PLCG2: variants seen among roughly 807,000 people sequenced by gnomAD.
PLCG2 encodes the protein phospholipase C gamma 2, also known as 1-phosphatidylinositol 4,5-bisphosphate phosphodiesterase gamma-2.
In PLCG2, 69 loss-of-function variants were observed where a neutral mutation model predicts 175.6. The ratio of observed to expected loss-of-function variants is 0.39; its 90% confidence interval spans 0.32 to 0.48. The LOEUF (loss-of-function observed/expected upper bound fraction) is 0.48. Ranked by LOEUF, PLCG2 falls within the 20% of genes least tolerant of loss-of-function variation. The probability of loss-of-function intolerance (pLI) is 0.91; values close to 1 mark genes in which losing one functional copy is unlikely to be tolerated. For missense variants in PLCG2, 1,798 were observed against 1,650.9 expected (o/e 1.09, Z -1.54); for synonymous variants, 827 against 624.0 (o/e 1.33, Z -4.85).
chr16:81,905,318 G>C, intron 14 of PLCG2, 85 bp from the exon 15 acceptor site: 1 of 871,184 alleles, frequency 1.1e-6, no homozygotes, highest in Non-Finnish European at 1.9e-6. Flanking sequence ...GGCCCTGCCT[G>C]GGAAGAGGCA....
At chr16:81,827,213 G>T (rs1905083506) in intron 2 of PLCG2, among the ~76,000 whole-genome samples, 1 of 143,186 alleles carries the variant, frequency 7.0e-6, no homozygotes, top group Non-Finnish European at 1.6e-5. Flanking sequence ...TGGGGACAGG[G>T]TCTCACTCTG....
intron 7 of PLCG2, among the ~76,000 whole-genome samples, chr16:81,876,444 C>G (rs968920288): frequency 6.6e-6 from 1 of 152,166 alleles, no homozygotes; most frequent in Non-Finnish European, 1.5e-5. Flanking sequence ...CCTTCAGCCA[C>G]GTGGGAAAAC....
intron 7 of PLCG2, among the ~76,000 whole-genome samples, chr16:81,872,876 A>G (rs1173981674): frequency 1.3e-5 from 2 of 152,206 alleles, no homozygotes; most frequent in South Asian, 4.1e-4. Context: ...GAATGTTCCT[A>G]GAAGACAGTC....
chr16:81,813,937 C>A (rs749142780), intron 2 of PLCG2, among the ~76,000 whole-genome samples: 1 of 152,212 alleles, frequency 6.6e-6, no homozygotes, highest in Non-Finnish European at 1.5e-5. Context: ...TAGATTCTAC[C>A]TGTTGATGGG....
In PLCG2 at chr16:81,883,281, G is replaced by A. The variant is rs1567515039; in HGVS notation, c.705G>A (p.Arg235=). ...SSVFILGNTD[R]PDASAVYLHD... ...TCCCCGAGGATAGGAACACTGACAG[G>A]CCGGATGCCTCTGCTGTTTACCTGC... The change falls in exon 9 of 33, where the codon AGG becomes AGA. Residue 235 remains arginine (R), a synonymous_variant. Coordinates refer to ENST00000564138, the MANE Select transcript of PLCG2 (RefSeq NM_002661.5). 4 of 1,614,128 alleles carry A rather than the reference G, an allele frequency of 2.5e-6. No individual in the cohort carries two copies. Among genetic ancestry groups the A allele is most frequent in the Non-Finnish European group, 3.4e-6 (4 of 1,179,986 alleles).
At chr16:81,741,813 A>C (rs974421713) in intron 1 of PLCG2, among the ~76,000 whole-genome samples, 4 of 152,330 alleles carry the variant, frequency 2.6e-5, no homozygotes, top group African/African-American at 9.6e-5. Flanking sequence ...CTCAAAAAAA[A>C]AATGTATAAT....
intron 2 of PLCG2, among the ~76,000 whole-genome samples, chr16:81,771,651 T>A (rs1002183795): frequency 3.3e-5 from 5 of 151,948 alleles, no homozygotes; most frequent in South Asian, 4.2e-4. Context: ...TAATATAGGG[T>A]ACAGTGGGTT....
intron 7 of PLCG2, among the ~76,000 whole-genome samples, chr16:81,873,458 G>A (rs759852228): frequency 7.2e-5 from 11 of 152,122 alleles, no homozygotes; most frequent in South Asian, 2.1e-4. Context: ...GACAGTGTGC[G>A]TATGAAATTT....
At chr16:81,853,911 C>G (rs1016357710) in intron 2 of PLCG2, among the ~76,000 whole-genome samples, 4 of 152,066 alleles carry the variant, frequency 2.6e-5, no homozygotes, top group African/African-American at 9.7e-5. Flanking sequence ...TGGGGTTGGC[C>G]TCTTATTATT....
rs1188636816 is a variant in PLCG2, at chr16:81,960,482, G to T, written c.*2484G>T. 3 of 230,210 alleles carry T rather than the reference G, an allele frequency of 1.3e-5. No individual in the cohort carries two copies. The highest frequency in any genetic ancestry group is 6.6e-5 in the African/African-American group (3 of 45,214). 14.3% of individuals were successfully genotyped at this position (230,210 alleles called of 1,614,324 possible). On this transcript the variant is annotated 3_prime_UTR_variant, in exon 33 of 33. Coordinates refer to ENST00000564138, the MANE Select transcript of PLCG2 (RefSeq NM_002661.5). Reference sequence around the variant, plus strand: ...TTATTTAGAATATTGGTTATTACAAGGAAAAATAAAGTGGGGAGGCTGGTT... The same window carrying T: ...TTATTTAGAATATTGGTTATTACAATGAAAAATAAAGTGGGGAGGCTGGTT...
chr16:81,752,367 G>A (rs970876171), intron 1 of PLCG2, among the ~76,000 whole-genome samples: 3 of 152,218 alleles, frequency 2.0e-5, no homozygotes, highest in African/African-American at 7.2e-5. Context: ...CTGACAGGGA[G>A]GGGACTGTGA....
intron 2 of PLCG2, among the ~76,000 whole-genome samples, chr16:81,805,768 TTTTTTTTTTTTTTTG>T (rs1165364901): frequency 1.3e-5 from 1 of 76,132 alleles, no homozygotes; most frequent in Non-Finnish European, 2.9e-5. Flanking sequence ...TTTTGTTTTG[TTTTTTTTTTTTTTTG>T]TTTTTTTTTT....
chr16:81,773,163 G>T (rs1357317140), intron 2 of PLCG2, among the ~76,000 whole-genome samples: 1 of 152,214 alleles, frequency 6.6e-6, no homozygotes, highest in South Asian at 2.1e-4. Flanking sequence ...AGCATGCTGG[G>T]TGTGGGGGGG....
upstream of PLCG2, among the ~76,000 whole-genome samples, chr16:81,776,104 T>C (rs9936189): frequency 0.058 from 2,670 of 46,364 alleles, 305 homozygotes; most frequent in African/African-American, 0.13. Flanking sequence ...TTTCTTTTTT[T>C]CCTTCTTTCT....
chr16:81,949,635 T>C (rs541785083), intron 31 of PLCG2, among the ~76,000 whole-genome samples: 1 of 152,300 alleles, frequency 6.6e-6, no homozygotes, highest in Admixed American at 6.5e-5. Context: ...AGAAAACTTT[T>C]AGATAGGGAG....
intron 5 of PLCG2, among the ~76,000 whole-genome samples, chr16:81,866,479 G>A (rs58132126): frequency 1.4e-5 from 1 of 72,862 alleles, no homozygotes; most frequent in African/African-American, 4.1e-5. Context: ...TCCCAGGATG[G>A]TCTCCACTGG....
At chr16:81,870,715 T>A (rs1234758785) in intron 6 of PLCG2, 137 bp from the exon 7 acceptor site, 2 of 477,368 alleles carry the variant, frequency 4.2e-6, no homozygotes, top group Non-Finnish European at 7.4e-6. Context: ...ACTGAAACAA[T>A]GTGGTCATAG....
rs993652314 is a variant in PLCG2 at position 81,752,117 on chromosome 16, G to A, written c.-144-3753G>A. 7.2e-5 allele frequency among the ~76,000 whole-genome samples: 11 copies of A among 152,230 alleles called. No individual in the cohort carries two copies. The East Asian group carries it at 7.7e-4, about 11-fold the overall frequency. On this transcript the variant is annotated intron_variant, in intron 1 of 5. Transcript: ENST00000565054. ...AACTCTTCACTGTGATGTAGGCCCC[G>A]TCTATCACGTATGAACTATGAGCCT...
At chr16:81,744,692 C>T (rs1399377490) in intron 1 of PLCG2, among the ~76,000 whole-genome samples, 1 of 152,126 alleles carries the variant, frequency 6.6e-6, no homozygotes, top group Non-Finnish European at 1.5e-5. Flanking sequence ...CTACCTCAGC[C>T]TCTTGAGTAG....
Sources: gnomAD v4.1 joint callset for allele counts (sites outside exome capture counted in the v4.1 genomes callset) on GRCh38, gnomAD v4.1.1 for gene constraint, MANE v1.5 for transcripts, NCBI Gene and HGNC (gene_info 2026-07-23, HGNC 2026-07-21) for gene names.